The following ERC1 variants were observed in gnomAD, a reference collection of about 807,000 sequenced individuals.
ERC1 encodes ELKS/RAB6-interacting/CAST family member 1, also known as RAB6 interacting protein 2.
A neutral mutation model predicts 132.0 loss-of-function variants in ERC1; 56 were observed. That is an observed-to-expected ratio of 0.42 (90% CI 0.34 to 0.53). The LOEUF is 0.53. ERC1 is among the 20% of genes least tolerant of loss of function. The probability of loss-of-function intolerance (pLI) is 0.03; values close to 1 mark genes in which losing one functional copy is unlikely to be tolerated. For synonymous variants in ERC1, 478 were observed against 476.1 expected, an observed-to-expected ratio of 1.00 and a Z score of -0.05; for missense variants, 1,202 against 1,349.9, an observed-to-expected ratio of 0.89 and a Z score of 1.72.
Position 1,374,824 on chromosome 12 carries a change from A to AT in ERC1, c.2925+2869dup, listed in dbSNP as rs5795968. 7.0e-3 allele frequency among the ~76,000 whole-genome samples: 873 copies of AT among 124,508 alleles called. 6 individuals are homozygous for AT. Among genetic ancestry groups the AT allele is most frequent in the East Asian group, 0.012 (47 of 4,044 alleles). 81.7% of individuals were successfully genotyped at this position (124,508 alleles called of 152,430 possible). ...GCTGGGCTTTTCAGGACAGGCTGGG[A>AT]TTTTTTTTTTTTTTTTTTTTTTCTG... On this transcript the variant is annotated intron_variant, in intron 16 of 18. Coordinates refer to ENST00000360905, the MANE Select transcript of ERC1 (RefSeq NM_178040.4).
At chr12:1,146,307 G>GTTTTTTTTTTTTT (rs1346178811) in intron 8 of ERC1, among the ~76,000 whole-genome samples, 3 of 59,392 alleles carry the variant, frequency 5.1e-5, no homozygotes, top group Admixed American at 1.7e-4. Context: ...GTATTTTACT[G>GTTTTTTTTTTTTT]GTTTTTTTTT....
intron 12 of ERC1, among the ~76,000 whole-genome samples, chr12:1,202,352 G>A (rs1335211796): frequency 6.6e-6 from 1 of 152,140 alleles, no homozygotes; most frequent in Non-Finnish European, 1.5e-5. Context: ...TTCTCCTGAA[G>A]TTATTTCCCA....
At chr12:1,371,751 A>G (rs2154374519) in intron 15 of ERC1, 82 bp from the exon 16 acceptor site, 1 of 1,470,868 alleles carries the variant, frequency 6.8e-7, no homozygotes, top group African/African-American at 1.4e-5. Context: ...ATTACCCTCA[A>G]AATGGGGGTA....
intron 7 of ERC1, among the ~76,000 whole-genome samples, chr12:1,125,900 C>G (rs1948110801): frequency 1.3e-5 from 2 of 152,264 alleles, no homozygotes; most frequent in Middle Eastern, 3.4e-3. Context: ...TACAAAAAGA[C>G]AAATACTACA....
chr12:1,471,123 A>G (rs1389073116), intron 18 of ERC1, among the ~76,000 whole-genome samples: 1 of 152,138 alleles, frequency 6.6e-6, no homozygotes, highest in African/African-American at 2.4e-5. Flanking sequence ...AAGGTATAAC[A>G]CCCACATCAA....
chr12:1,242,164 T>C (rs1414551672), intron 13 of ERC1, among the ~76,000 whole-genome samples: 1 of 152,166 alleles, frequency 6.6e-6, no homozygotes, highest in African/African-American at 2.4e-5. Flanking sequence ...TGCCCTTTGT[T>C]TACAAAGTCA....
chr12:1,354,625 T>C (rs990101923), intron 15 of ERC1, among the ~76,000 whole-genome samples: 2 of 152,322 alleles, frequency 1.3e-5, no homozygotes, highest in South Asian at 4.2e-4. Flanking sequence ...AGTTCATTCA[T>C]ACTCTTGAAG....
chr12:1,110,865 G>A (rs959361786), intron 5 of ERC1, among the ~76,000 whole-genome samples: 4 of 151,976 alleles, frequency 2.6e-5, no homozygotes, highest in Non-Finnish European at 4.4e-5. Flanking sequence ...ACCACACCTG[G>A]CTAATTTTTT....
chr12:1,190,276 C>T (rs1169286556), intron 12 of ERC1: 2 of 659,124 alleles, frequency 3.0e-6, no homozygotes, highest in African/African-American at 3.6e-5. Context: ...TGGGCTGTAA[C>T]ATAATTGATT....
Position 1,031,564 on chromosome 12 carries a change from A to G in ERC1, c.669+2992A>G, listed in dbSNP as rs1410593110. ...GAATCAGATTTCTAAGTAATTAGAA[A>G]TTATGATAATTTTATTCTTTCTCAG... On this transcript the variant is annotated intron_variant, in intron 2 of 18. Coordinates refer to ENST00000360905, the MANE Select transcript of ERC1 (RefSeq NM_178040.4). 2.6e-5 allele frequency among the ~76,000 whole-genome samples: 4 copies of G among 152,198 alleles called. No individual in the cohort carries two copies. The East Asian group carries it at 7.7e-4, about 29-fold the overall frequency.
rs189684792 is a variant in ERC1 at position 1,275,275 on chromosome 12, G to A, written c.2619+12110G>A. On this transcript the variant is annotated intron_variant, in intron 14 of 18. Coordinates refer to ENST00000360905, the MANE Select transcript of ERC1 (RefSeq NM_178040.4). ...GGCTGAGGCAGGTCGATCACCTGAG[G>A]TCAGGAGTTTGAGACCAGCCTGGCC... is the stretch of plus-strand genomic sequence containing the variant. Among the ~76,000 whole-genome samples, 308 of 152,152 alleles carry A rather than the reference G, an allele frequency of 2.0e-3. 2 individuals are homozygous for A. The highest frequency in any genetic ancestry group is 7.0e-3 in the African/African-American group (289 of 41,512).
intron 14 of ERC1, among the ~76,000 whole-genome samples, chr12:1,267,608 A>G (rs1307427757): frequency 1.3e-5 from 2 of 152,088 alleles, no homozygotes; most frequent in African/African-American, 4.8e-5. Flanking sequence ...GAAAATAAAA[A>G]TTAATTAGCC....
At chr12:1,000,592 G>A (rs1227537325) in intron 1 of ERC1, among the ~76,000 whole-genome samples, 3 of 151,084 alleles carry the variant, frequency 2.0e-5, no homozygotes, top group Non-Finnish European at 2.9e-5. Context: ...GTGAAACCCC[G>A]TCTCTACTAA....
At chr12:1,061,710 TC>T (rs35224331) in intron 2 of ERC1, among the ~76,000 whole-genome samples, 38,124 of 150,874 alleles carry the variant, frequency 0.25, 5,007 homozygotes, top group Middle Eastern at 0.28. Flanking sequence ...AATCTCTCTC[TC>T]CCCCCCCATA....
At chr12:1,263,959 G>A (rs955093587) in intron 14 of ERC1, among the ~76,000 whole-genome samples, 2 of 151,894 alleles carry the variant, frequency 1.3e-5, no homozygotes. Flanking sequence ...CAAAGTGCTG[G>A]GATTACAGGC....
intron 13 of ERC1, among the ~76,000 whole-genome samples, chr12:1,249,931 G>A (rs1413143719): frequency 6.6e-6 from 1 of 152,112 alleles, no homozygotes; most frequent in Non-Finnish European, 1.5e-5. Context: ...ATTCATGAGG[G>A]CTCTGCTCTC....
intron 8 of ERC1, among the ~76,000 whole-genome samples, chr12:1,150,902 CA>C (rs1290373021): frequency 5.9e-5 from 9 of 152,168 alleles, no homozygotes; most frequent in African/African-American, 2.2e-4. Context: ...AAAATGGCAG[CA>C]GACAGAAACT....
intron 17 of ERC1, among the ~76,000 whole-genome samples, chr12:1,422,571 A>C (rs1380750336): frequency 6.6e-6 from 1 of 151,764 alleles, no homozygotes; most frequent in Non-Finnish European, 1.5e-5. Context: ...CATTGTATAG[A>C]TATTTGCCAC....
intron 1 of ERC1, 115 bp downstream of exon 1, chr12:991,437 C>A (rs1225793157): frequency 6.5e-6 from 1 of 152,928 alleles, no homozygotes; most frequent in Admixed American, 6.6e-5. Flanking sequence ...GCTCACGGCC[C>A]GGGCTGGGCT....
Sources: allele counts gnomAD v4.1 joint callset (sites outside exome capture counted in the v4.1 genomes callset), GRCh38; gene constraint gnomAD v4.1.1; transcripts MANE v1.5; gene names NCBI Gene and HGNC (gene_info 2026-07-23, HGNC 2026-07-21).